The following TULP2 variants were observed in gnomAD, a reference collection of about 807,000 sequenced individuals.
TULP2 encodes tubby-related protein 2.
A neutral mutation model predicts 60.3 loss-of-function variants in TULP2; 64 were observed. The ratio of observed to expected loss-of-function variants is 1.06; its 90% CI spans 0.87 to 1.31. The LOEUF (loss-of-function observed/expected upper bound fraction) is 1.31. Among genes scored for constraint, TULP2 ranks in the 50% most tolerant of loss-of-function variants. The probability of loss-of-function intolerance (pLI) is 0.00; values close to 1 mark genes in which losing one functional copy is unlikely to be tolerated. For synonymous variants in TULP2, 267 were observed against 265.4 expected, an observed-to-expected ratio of 1.01 and a Z score of -0.06; for missense variants, 652 against 667.0, an observed-to-expected ratio of 0.98 and a Z score of 0.25.
chr19:48,891,784 T>G (rs1399477366), intron 6 of TULP2, among the ~76,000 whole-genome samples: 1 of 152,200 alleles, frequency 6.6e-6, no homozygotes, highest in African/African-American at 2.4e-5. Context: ...CAGTATTTAT[T>G]GATCACTATC....
chr19:48,898,044 C>T (rs966787424), intron 1 of TULP2, among the ~76,000 whole-genome samples, 175 bp from the exon 2 acceptor site: 3 of 151,920 alleles, frequency 2.0e-5, no homozygotes, highest in African/African-American at 7.3e-5. Flanking sequence ...GCCATCTCGG[C>T]CACTGCAACC....
rs144096899 is a variant in TULP2 at position 48,892,835 on chromosome 19, T to C, written c.514+2163A>G. 9.9e-4 allele frequency among the ~76,000 whole-genome samples: 151 copies of C among 152,132 alleles called. 1 individual carries two copies. Among genetic ancestry groups the C allele is most frequent in the African/African-American group, 3.6e-3 (151 of 41,512 alleles). On this transcript the variant is annotated intron_variant, in intron 6 of 12. Coordinates refer to ENST00000221399, the MANE Select transcript of TULP2 (RefSeq NM_003323.3). Reference sequence around the variant, plus strand: ...GTACAGATCAAAATGGAGTTTCTTATGTCTTCCTTTTTCTACATAGACAAA... The same window carrying C: ...GTACAGATCAAAATGGAGTTTCTTACGTCTTCCTTTTTCTACATAGACAAA...
chr19:48,896,368 C>T (rs1568578038), intron 4 of TULP2, 62 bp downstream of exon 4: 2 of 1,512,856 alleles, frequency 1.3e-6, no homozygotes, highest in Non-Finnish European at 1.8e-6. Flanking sequence ...CACTAGGCCC[C>T]GCCCACAGAC....
chr19:48,896,721 T>C (rs73061694), intron 3 of TULP2, 165 bp from the exon 4 acceptor site: 100,051 of 789,808 alleles, frequency 0.13, 7,467 homozygotes, highest in Non-Finnish European at 0.15. Flanking sequence ...GCTCCTCCCT[T>C]ATTCCACCGT....
chr19:48,885,347 G>A (rs948649188), intron 9 of TULP2, 101 bp downstream of exon 9: 2 of 908,748 alleles, frequency 2.2e-6, no homozygotes, highest in Non-Finnish European at 3.5e-6. Flanking sequence ...TGGTCCCTGA[G>A]CAGGTGGAAG....
intron 8 of TULP2, among the ~76,000 whole-genome samples, chr19:48,886,906 G>T (rs138968381): frequency 0.017 from 2,572 of 149,728 alleles, 72 homozygotes; most frequent in African/African-American, 0.058. Flanking sequence ...TAGAGACAGG[G>T]TTCCACCTTG....
intron 8 of TULP2, among the ~76,000 whole-genome samples, chr19:48,885,940 C>A (rs576201038): frequency 1.7e-4 from 26 of 152,134 alleles, no homozygotes; most frequent in African/African-American, 5.3e-4. Context: ...CTGGTTAGAG[C>A]CAGGGGTCCA....
Position 48,897,307 on chromosome 19 carries a change from CG to C in TULP2, c.84+37del. ...GAGGCCCCTGGGGAGGCACAGAAGG[CG>C]GAAGAGTTGGAGTGGTGAGATTCCT... On this transcript the variant is annotated intron_variant, in intron 3 of 12. Coordinates refer to ENST00000221399, the MANE Select transcript of TULP2 (RefSeq NM_003323.3). This position sits in a 1 kb window ranked among gnomAD's most constrained non-coding sequence, Gnocchi z 4.0. The C allele has an allele frequency of 6.2e-7, 1 of 1,610,362 alleles. No homozygotes were observed. Among genetic ancestry groups the C allele is most frequent in the Non-Finnish European group, 8.5e-7 (1 of 1,177,890 alleles).
At chr19:48,882,351 G>A (rs1468001045) in intron 11 of TULP2, 148 bp from the exon 12 acceptor site, 2 of 805,882 alleles carry the variant, frequency 2.5e-6, no homozygotes, top group African/African-American at 1.7e-5. Context: ...TGCGTTCCCA[G>A]GAGGTTAGGC....
intron 6 of TULP2, 138 bp from the exon 7 acceptor site, chr19:48,889,769 C>T (rs1358856414): frequency 1.8e-5 from 12 of 664,018 alleles, no homozygotes; most frequent in Middle Eastern, 9.8e-4. Flanking sequence ...AACCTTACCC[C>T]CAACCCCGTG....
Position 48,882,060 on chromosome 19 carries a change from C to T in TULP2, c.1419G>A (p.Lys473=), listed in dbSNP as rs1413377294. The T allele has an allele frequency of 6.2e-7, 1 of 1,614,098 alleles. No individual in the cohort carries two copies. The highest frequency in any genetic ancestry group is 8.5e-7 in the Non-Finnish European group (1 of 1,180,050). ...GTTTGGGATCCACGATTTGGAAGTT[C>T]TTCACCGAAGCCCGAGTGACTCGAC... is the stretch of plus-strand genomic sequence containing the variant. ...FHGRVTRASV[K]NFQIVDPKHQ... Residue 473 remains lysine (K), a synonymous_variant, in exon 12 of 13, where the codon AAG becomes AAA. Transcript: ENST00000221399.
chr19:48,884,042 T>C lies in TULP2; in HGVS notation c.1066A>G (p.Asn356Asp), dbSNP rs767768044. The C allele has an allele frequency of 1.2e-6, 2 of 1,613,534 alleles. No individual in the cohort carries two copies. The highest frequency in any genetic ancestry group is 3.3e-5 in the Admixed American group (2 of 59,986). The change falls in exon 10 of 13, where the codon AAT becomes GAT. Residue 356 changes from asparagine (N) to aspartate (D), a missense_variant. Transcript: ENST00000221399. ...GDNFVGKVRS[N>D]VFSTKFTIFD... is the part of the protein sequence containing the mutation. ...ATGGTGAACTTGGTGCTGAAGACAT[T>C]GGATCTGCTCCAGGAAGGGAATGGA... is the stretch of plus-strand genomic sequence containing the variant.
chr19:48,884,272 CCTT>C (rs2037160327), intron 9 of TULP2, among the ~76,000 whole-genome samples: 3 of 150,808 alleles, frequency 2.0e-5, no homozygotes, highest in African/African-American at 7.3e-5. Context: ...TGGCAAAACT[CCTT>C]CTCTACAAAA....
At position 48,889,496 on chromosome 19, in the gene TULP2, G is replaced by A. The variant is rs773565941; in HGVS notation, c.636+14C>T. ...TCTTCTTCCAATATCCTGAGTGATT[G>A]TGCATTTTCCTACCTTTTGGAAGGC... On this transcript the variant is annotated intron_variant, in intron 7 of 12. Coordinates refer to ENST00000221399, the MANE Select transcript of TULP2 (RefSeq NM_003323.3). The A allele has an allele frequency of 1.5e-5, 24 of 1,568,910 alleles. No homozygotes were observed. Among genetic ancestry groups the A allele is most frequent in the Non-Finnish European group, 1.9e-5 (22 of 1,145,844 alleles).
At chr19:48,898,380 G>A (rs2270943) in intron 1 of TULP2, 13,398 of 148,798 alleles carry the variant, frequency 0.09, 717 homozygotes, top group South Asian at 0.16. Context: ...CCGCAAGTCC[G>A]CTTCTCTCTC....
intron 8 of TULP2, among the ~76,000 whole-genome samples, chr19:48,887,692 G>T (rs1393784781): frequency 6.6e-6 from 1 of 152,048 alleles, no homozygotes; most frequent in African/African-American, 2.4e-5. Flanking sequence ...TGAGTAGCTG[G>T]GACTACAGGC....
At chr19:48,884,089 TACTCTTTGAGTAAGTGTC>T (rs2037158841) in intron 9 of TULP2, 43 bp from the exon 10 acceptor site, 1 of 1,531,812 alleles carries the variant, frequency 6.5e-7, no homozygotes, top group Non-Finnish European at 9.0e-7. Context: ...TACTAAGTGT[TACTCTTTGAGTAAGTGTC>T]ACTCATCGCA....
chr19:48,893,405 C>T (rs2037251410), intron 6 of TULP2, among the ~76,000 whole-genome samples: 1 of 151,452 alleles, frequency 6.6e-6, no homozygotes, highest in African/African-American at 2.4e-5. Flanking sequence ...AAGAAAGAAG[C>T]CACATACAAA....
rs914854446 is a variant in TULP2 at position 48,897,133 on chromosome 19, G to C, written c.84+212C>G. 6.6e-6 allele frequency among the ~76,000 whole-genome samples: 1 copy of C among 151,940 alleles called. No individual in the cohort carries two copies. Among genetic ancestry groups the C allele is most frequent in the African/African-American group, 2.4e-5 (1 of 41,366 alleles). On this transcript the variant is annotated intron_variant, in intron 3 of 12. Coordinates refer to ENST00000221399, the MANE Select transcript of TULP2 (RefSeq NM_003323.3). This position sits in a 1 kb window ranked among gnomAD's most constrained non-coding sequence, Gnocchi z 4.0. ...TTGAACTCCTGACCTCAAGTGATCC[G>C]CCCACCTCAGCATCCCAAAGTGCTG...
Sources: allele counts gnomAD v4.1 joint callset (sites outside exome capture counted in the v4.1 genomes callset), GRCh38; gene constraint gnomAD v4.1.1; non-coding constraint Gnocchi (gnomAD v3.1); transcripts MANE v1.5; gene names NCBI Gene and HGNC (gene_info 2026-07-23, HGNC 2026-07-21).